The following RMND5A variants were observed in gnomAD, a reference collection of about 807,000 sequenced individuals.
RMND5A encodes the protein required for meiotic nuclear division 5 homolog A.
RMND5A carries 17 observed loss-of-function variants against 49.7 expected under a neutral mutation model. The ratio of observed to expected loss-of-function variants is 0.34; its 90% CI spans 0.23 to 0.51. The LOEUF (loss-of-function observed/expected upper bound fraction) is 0.51. Ranked by LOEUF, RMND5A falls within the 20% of genes least tolerant of loss-of-function variation. The pLI, the probability that RMND5A is intolerant of heterozygous loss-of-function variation, is 0.96. For missense variants in RMND5A, 255 were observed against 471.3 expected (o/e 0.54, Z 4.25); for synonymous variants, 156 against 167.7 (o/e 0.93, Z 0.54).
At chr2:86,751,263 T>TA (rs1043609080) in intron 2 of RMND5A, among the ~76,000 whole-genome samples, 1 of 152,220 alleles carries the variant, frequency 6.6e-6, no homozygotes, top group Non-Finnish European at 1.5e-5. Flanking sequence ...CCATTACAGT[T>TA]ATTTAGATTT....
At chr2:86,756,967 A>C (rs1681750201) in intron 4 of RMND5A, among the ~76,000 whole-genome samples, 1 of 152,138 alleles carries the variant, frequency 6.6e-6, no homozygotes, top group African/African-American at 2.4e-5. Context: ...TGAGGTCAGG[A>C]GTTCAAGACG....
chr2:86,770,818 T>C (rs1402609953), intron 7 of RMND5A, among the ~76,000 whole-genome samples: 1 of 152,194 alleles, frequency 6.6e-6, no homozygotes, highest in Non-Finnish European at 1.5e-5. Context: ...GGTGCAGTTA[T>C]GATGTGAAGT....
At chr2:86,768,965 A>C (rs1233632984) in intron 6 of RMND5A, among the ~76,000 whole-genome samples, 1 of 152,174 alleles carries the variant, frequency 6.6e-6, no homozygotes, top group African/African-American at 2.4e-5. Context: ...TTACTTTTTG[A>C]AACAGGGTCT....
Position 86,771,701 on chromosome 2 carries a change from T to G in RMND5A, c.1101T>G (p.Phe367Leu). ...IISRDALNKMFNGSKLKCPYC... is the reference protein window; with the variant it reads ...IISRDALNKMLNGSKLKCPYC... ...CAAGAGATGCCCTGAATAAAATGTT[T>G]AATGGTAGCAAGTAAGTGTCTGACT... The change falls in exon 8 of 9, where the codon TTT becomes TTG. Residue 367 changes from phenylalanine to leucine, a missense_variant. This residue lies in a region of RMND5A where 208 missense variants were observed against 339.8 expected (regional missense o/e 0.61). Transcript: ENST00000283632. The G allele has an allele frequency of 6.2e-7, 1 of 1,606,820 alleles. No homozygotes were observed. The highest frequency in any genetic ancestry group is 1.1e-5 in the South Asian group (1 of 90,042).
intron 4 of RMND5A, 115 bp downstream of exon 4, chr2:86,753,673 A>G (rs1364873328): frequency 1.9e-6 from 1 of 524,540 alleles, no homozygotes; most frequent in African/African-American, 2.0e-5. Flanking sequence ...GGTAGACTTC[A>G]GAGAAATCAA....
intron 3 of RMND5A, among the ~76,000 whole-genome samples, chr2:86,752,369 C>T (rs948777613): frequency 6.6e-6 from 1 of 152,168 alleles, no homozygotes; most frequent in Admixed American, 6.5e-5. Context: ...AGGAAAGGGA[C>T]AAAAACATTG....
intron 7 of RMND5A, among the ~76,000 whole-genome samples, chr2:86,770,564 C>T (rs1672670804): frequency 6.6e-6 from 1 of 152,168 alleles, no homozygotes; most frequent in Non-Finnish European, 1.5e-5. Flanking sequence ...TCTTAAAGGT[C>T]GTAACACCTG....
intron 8 of RMND5A, 150 bp from the exon 9 acceptor site, chr2:86,773,198 G>T: frequency 2.2e-6 from 1 of 445,078 alleles, no homozygotes; most frequent in East Asian, 3.3e-5. Context: ...GGAAAGCATA[G>T]TTCATCCTCA....
In RMND5A at chr2:86,769,501, C is replaced by T. The variant is rs759542603; in HGVS notation, c.855-522C>T. 1.0e-3 allele frequency among the ~76,000 whole-genome samples: 159 copies of T among 152,218 alleles called. 4 individuals carry two copies. The highest frequency in any genetic ancestry group is 1.1e-3 in the Non-Finnish European group (72 of 68,040). On this transcript the variant is annotated intron_variant, in intron 6 of 8. Coordinates refer to ENST00000283632, the MANE Select transcript of RMND5A (RefSeq NM_022780.4). ...TGTGCAAGAACATCTCTTTTTCCTT[C>T]AAACTCAGATGCTAAAACTACTGTA...
rs578003449 is a variant in RMND5A, at chr2:86,769,953, T to C, written c.855-70T>C. The stretch of plus-strand genomic sequence containing the variant: ...CTGCAGCACATAGAGTCTGGAGAAA[T>C]TGATGTCTCCTTGGACCAAGCGGCC... On this transcript the variant is annotated intron_variant, in intron 6 of 8. Coordinates refer to ENST00000283632, the MANE Select transcript of RMND5A (RefSeq NM_022780.4). 10 of 1,065,852 alleles carry C rather than the reference T, an allele frequency of 9.4e-6. No homozygotes were observed. In the East Asian group the frequency reaches 1.9e-4, roughly 20 times the overall value. The allele number at this position is 1,065,852 out of a possible 1,614,324, so 66.0% of individuals were successfully genotyped here. A position where few individuals can be genotyped will look rare whatever the true frequency, so the allele number is the denominator to read the frequency against.
In RMND5A at chr2:86,750,044, G is replaced by A. The variant is rs183581225; in HGVS notation, c.286-1852G>A. ...TGGACTGTATATTTAAGCAGTGGTT[G>A]ACTAGGATTGCAATTTTAGTTAAAT... On this transcript the variant is annotated intron_variant, in intron 2 of 8. Transcript: ENST00000283632. Among the ~76,000 whole-genome samples the A allele has an allele frequency of 1.4e-4, 21 of 152,320 alleles. No individual in the cohort carries two copies. In the East Asian group the frequency reaches 3.5e-3, roughly 25 times the overall value.
chr2:86,766,520 T>C lies in RMND5A; in HGVS notation c.854+496T>C, dbSNP rs367917490. Among the ~76,000 whole-genome samples, 6 of 152,124 alleles carry C rather than the reference T, an allele frequency of 3.9e-5. No homozygotes were observed. The South Asian group carries it at 6.2e-4, about 16-fold the overall frequency. On this transcript the variant is annotated intron_variant, in intron 6 of 8. Coordinates refer to ENST00000283632, the MANE Select transcript of RMND5A (RefSeq NM_022780.4). ...TCTACTAAAAACACAAAAAATTAGC[T>C]GGACGTGGTGGCGGGTACCTTTAAT...
At chr2:86,760,048 A>G (rs1441838617) in intron 4 of RMND5A, among the ~76,000 whole-genome samples, 1 of 150,936 alleles carries the variant, frequency 6.6e-6, no homozygotes, top group Non-Finnish European at 1.5e-5. Context: ...TCCTGTTTGT[A>G]TTCTTTTTTT....
intron 6 of RMND5A, among the ~76,000 whole-genome samples, chr2:86,769,066 T>C (rs1672644913): frequency 6.6e-6 from 1 of 152,166 alleles, no homozygotes; most frequent in African/African-American, 2.4e-5. Context: ...GCCTGCTCAG[T>C]AGCTGGGACT....
At position 86,774,672 on chromosome 2, in the gene RMND5A, A is replaced by G. The variant is rs1471069798; in HGVS notation, c.*1261A>G. 4.6e-5 allele frequency: 7 copies of G among 152,702 alleles called. No homozygotes were observed. The highest frequency in any genetic ancestry group is 6.5e-5 in the Admixed American group (1 of 15,294). 9.5% of individuals were successfully genotyped at this position (152,702 alleles called of 1,614,324 possible). ...TGACCGAAACCCATGAAGTTACTTC[A>G]GTATAAGAAGAACGTTACACGGAAA... is the stretch of plus-strand genomic sequence containing the variant. On this transcript the variant is annotated 3_prime_UTR_variant, in exon 9 of 9. Coordinates refer to ENST00000283632, the MANE Select transcript of RMND5A (RefSeq NM_022780.4).
chr2:86,765,149 A>G lies in RMND5A; in HGVS notation c.644A>G (p.Gln215Arg), dbSNP rs1451446431. 1 of 1,613,938 alleles carries G rather than the reference A, an allele frequency of 6.2e-7. No individual in the cohort carries two copies. Among genetic ancestry groups the G allele is most frequent in the Non-Finnish European group, 8.5e-7 (1 of 1,179,960 alleles). ...ACCACAAATCAGCGAGAGGCATTAC[A>G]ATATGCTAAAAATTTTCAGCCATTT... ...GGTTNQREAL[Q>R]YAKNFQPFAL... Residue 215 changes from glutamine (Q) to arginine (R), a missense_variant, in exon 5 of 9, where the codon CAA becomes CGA. Transcript: ENST00000283632.
intron 8 of RMND5A, among the ~76,000 whole-genome samples, chr2:86,772,222 G>A (rs1031753383): frequency 1.3e-5 from 2 of 152,182 alleles, no homozygotes; most frequent in African/African-American, 4.8e-5. Flanking sequence ...GGCCGAGGCA[G>A]GCGGATCACG....
intron 2 of RMND5A, among the ~76,000 whole-genome samples, chr2:86,745,334 G>T (rs1037530654): frequency 6.6e-6 from 1 of 152,116 alleles, no homozygotes; most frequent in Admixed American, 6.5e-5. Context: ...AAATTCTGAG[G>T]CTACATGAAA....
At position 86,774,668 on chromosome 2, in the gene RMND5A, C is replaced by A. The variant is rs907168486; in HGVS notation, c.*1257C>A. ...ATTCTGACCGAAACCCATGAAGTTA[C>A]TTCAGTATAAGAAGAACGTTACACG... On this transcript the variant is annotated 3_prime_UTR_variant, in exon 9 of 9. Coordinates refer to ENST00000283632, the MANE Select transcript of RMND5A (RefSeq NM_022780.4). 1 of 152,638 alleles carries A rather than the reference C, an allele frequency of 6.6e-6. No individual in the cohort carries two copies. Among genetic ancestry groups the A allele is most frequent in the Admixed American group, 6.5e-5 (1 of 15,284 alleles). 9.5% of individuals were successfully genotyped at this position (152,638 alleles called of 1,614,324 possible).
Sources: gnomAD v4.1 joint callset for allele counts (sites outside exome capture counted in the v4.1 genomes callset) on GRCh38, gnomAD v4.1.1 for gene constraint, gnomAD v4.1.1 regional missense constraint, MANE v1.5 for transcripts, NCBI Gene and HGNC (gene_info 2026-07-23, HGNC 2026-07-21) for gene names.